The following STT3A variants were observed in gnomAD, a reference collection of about 807,000 sequenced individuals.
STT3A encodes the protein dolichyl-diphosphooligosaccharide--protein glycosyltransferase subunit STT3A.
In STT3A, 34 loss-of-function variants were observed where a neutral mutation model predicts 89.2. The observed-to-expected ratio is 0.38, with a 90% CI of 0.29 to 0.51. The LOEUF (loss-of-function observed/expected upper bound fraction) is 0.51. Ranked by LOEUF, STT3A falls within the 20% of genes least tolerant of loss-of-function variation. The pLI is 0.89. For missense variants in STT3A, 555 were observed against 889.5 expected, an observed-to-expected ratio of 0.62 and a Z score of 4.78; for synonymous variants, 282 against 310.3, an observed-to-expected ratio of 0.91 and a Z score of 0.96.
chr11:125,609,293 T>C, intron 9 of STT3A, 141 bp from the exon 10 acceptor site: 1 of 1,008,756 alleles, frequency 9.9e-7, no homozygotes, highest in Non-Finnish European at 1.4e-6. Flanking sequence ...TGAAACTCTC[T>C]AAGTATTGGT....
intron 3 of STT3A, among the ~76,000 whole-genome samples, chr11:125,601,658 T>C (rs74832699): frequency 0.11 from 16,097 of 152,106 alleles, 1,239 homozygotes; most frequent in African/African-American, 0.22. Flanking sequence ...CAAAATCTAT[T>C]GGTGCCCACA....
chr11:125,601,786 T>C (rs910408242), intron 3 of STT3A, among the ~76,000 whole-genome samples: 39 of 151,920 alleles, frequency 2.6e-4, no homozygotes, highest in African/African-American at 9.0e-4. Context: ...GGCTCCAGTT[T>C]CATTTCCTTT....
chr11:125,594,238 C>G (rs906876176), intron 1 of STT3A, among the ~76,000 whole-genome samples: 2 of 152,134 alleles, frequency 1.3e-5, no homozygotes, highest in African/African-American at 4.8e-5. Flanking sequence ...AATGGTGTTG[C>G]ATATCCTTTG....
chr11:125,601,294 A>G (rs930769694), intron 3 of STT3A, among the ~76,000 whole-genome samples: 3 of 152,188 alleles, frequency 2.0e-5, no homozygotes, highest in African/African-American at 7.2e-5. Flanking sequence ...TGTGTGCAGT[A>G]TAGATTTTTA....
chr11:125,608,280 A>C lies in STT3A; in HGVS notation c.952A>C (p.Met318Leu). The change falls in exon 9 of 18, where the codon ATG (methionine) becomes CTG (leucine). Residue 318 changes from methionine (M) to leucine (L), a missense_variant. Physicochemically the swap from Met to Leu is conservative, Grantham distance 15. Coordinates refer to ENST00000392708, the MANE Select transcript of STT3A (RefSeq NM_152713.5). Reference sequence around the variant, plus strand: ...CCTTCTCACCGTGGGAGCTCTCCTCATGCTGACAGGTAGGGAAGGCTCACA... The same window carrying C: ...CCTTCTCACCGTGGGAGCTCTCCTCCTGCTGACAGGTAGGGAAGGCTCACA... ...FVLLTVGALLMLTGKISPWTG... is the reference protein window; with the variant it reads ...FVLLTVGALLLLTGKISPWTG... 1 of 1,603,190 alleles carries C rather than the reference A, an allele frequency of 6.2e-7. No individual in the cohort carries two copies. Among genetic ancestry groups the C allele is most frequent in the Non-Finnish European group, 8.5e-7 (1 of 1,176,858 alleles).
intron 3 of STT3A, among the ~76,000 whole-genome samples, chr11:125,599,125 C>G (rs1472220784): frequency 6.6e-6 from 1 of 152,184 alleles, no homozygotes; most frequent in Non-Finnish European, 1.5e-5. Flanking sequence ...ACTTATACTT[C>G]CTCTCTCACT....
Position 125,608,093 on chromosome 11 carries a change from A to T in STT3A, c.781-16A>T, listed in dbSNP as rs200080827. ...TTTTTTCCTTAGTATTAACATACAT[A>T]TCCTTTTACCTACAGCCTGTCCTTT... is the stretch of plus-strand genomic sequence containing the variant. On this transcript the variant is annotated splice_polypyrimidine_tract_variant and intron_variant, in intron 8 of 17. Transcript: ENST00000392708. The T allele has an allele frequency of 1.1e-5, 17 of 1,587,438 alleles. No homozygotes were observed. In the African/African-American group the frequency reaches 1.8e-4, roughly 16 times the overall value.
At chr11:125,592,678 C>T (rs548894227), upstream of STT3A, 2 of 356,240 alleles carry the variant, frequency 5.6e-6, no homozygotes, top group Non-Finnish European at 1.1e-5. Flanking sequence ...ACAGACCTGC[C>T]TCTAGACTGC....
At chr11:125,610,544 C>T (rs1048064114) in intron 10 of STT3A, among the ~76,000 whole-genome samples, 4 of 129,692 alleles carry the variant, frequency 3.1e-5, no homozygotes, top group African/African-American at 1.3e-4. Flanking sequence ...CACAGTGGGA[C>T]CCACGTCTTA....
intron 16 of STT3A, 78 bp from the exon 17 acceptor site, chr11:125,619,933 G>A: frequency 8.2e-7 from 1 of 1,225,178 alleles, no homozygotes; most frequent in Non-Finnish European, 1.2e-6. Context: ...TTAGTAGATG[G>A]TTTCCTGAAT....
rs147270528 is a variant in STT3A at position 125,603,329 on chromosome 11, T to A, written c.417+381T>A. ...CAGGAATGTACTCAGCAATTATTTG[T>A]TGATTTAAAAAAAATTTTTTTTTAT... On this transcript the variant is annotated intron_variant, in intron 5 of 17. Transcript: ENST00000392708. 935 of 160,886 alleles carry A rather than the reference T, an allele frequency of 5.8e-3. 5 individuals are homozygous for A. The highest frequency in any genetic ancestry group is 0.021 in the African/African-American group (891 of 41,834). The allele number at this position is 160,886 out of a possible 1,614,324, so 10.0% of individuals were successfully genotyped here.
chr11:125,593,745 C>T (rs1441080006), intron 1 of STT3A: 5 of 152,160 alleles, frequency 3.3e-5, no homozygotes, highest in Non-Finnish European at 7.3e-5. Context: ...CCCTTTGGGA[C>T]TATACTTAAA....
At chr11:125,608,010 T>G in intron 8 of STT3A, 99 bp from the exon 9 acceptor site, 1 of 1,301,222 alleles carries the variant, frequency 7.7e-7, no homozygotes, top group Non-Finnish European at 1.0e-6. Context: ...AGAACTCATT[T>G]GACCATTTGG....
rs556426188 is a variant in STT3A at position 125,621,576 on chromosome 11, G to A, written c.*766G>A. 6.6e-6 allele frequency: 1 copy of A among 152,238 alleles called. No individual in the cohort carries two copies. Among genetic ancestry groups the A allele is most frequent in the East Asian group, 1.9e-4 (1 of 5,186 alleles). 9.4% of individuals were successfully genotyped at this position (152,238 alleles called of 1,614,324 possible). ...TAATCATACATATCAATTTGAAATG[G>A]AGCTTTTCAGTACTCTCACTTATTC... On this transcript the variant is annotated 3_prime_UTR_variant, in exon 18 of 18. Coordinates refer to ENST00000392708, the MANE Select transcript of STT3A (RefSeq NM_152713.5).
In STT3A at chr11:125,622,589, A is replaced by G. The variant is rs1940379528; in HGVS notation, c.*1779A>G. 6.6e-6 allele frequency: 1 copy of G among 152,220 alleles called. No homozygotes were observed. The highest frequency in any genetic ancestry group is 2.1e-4 in the South Asian group (1 of 4,832). The allele number at this position is 152,220 out of a possible 1,614,324, so 9.4% of individuals were successfully genotyped here. ...ACTGTTATTGTGTACTTAGCATAAA[A>G]AACTCAAATCTAGGCCAGGTGCAGT... On this transcript the variant is annotated 3_prime_UTR_variant, in exon 18 of 18. Coordinates refer to ENST00000392708, the MANE Select transcript of STT3A (RefSeq NM_152713.5).
chr11:125,612,269 A>G (rs549751260), intron 11 of STT3A, among the ~76,000 whole-genome samples: 3 of 152,326 alleles, frequency 2.0e-5, no homozygotes, highest in East Asian at 3.9e-4. Flanking sequence ...TTTAGGGAAC[A>G]ATGACAAGAA....
chr11:125,614,055 C>CT lies in STT3A; in HGVS notation c.1555-30dup, dbSNP rs771581025. 1 of 1,592,788 alleles carries CT rather than the reference C, an allele frequency of 6.3e-7. No homozygotes were observed. Among genetic ancestry groups the CT allele is most frequent in the South Asian group, 1.1e-5 (1 of 90,458 alleles). The stretch of plus-strand genomic sequence containing the variant: ...TTTGATTTTTAGAGACAGTGAGAAG[C>CT]TTGTTATTTCCATTTCCCATTCTAC... On this transcript the variant is annotated intron_variant, in intron 13 of 17. Transcript: ENST00000392708. This position sits in a 1 kb window ranked among gnomAD's most constrained non-coding sequence, Gnocchi z 4.9.
chr11:125,609,546 C>T lies in STT3A; in HGVS notation c.1074C>T (p.Ser358=). ...SVSEHQPTTW[S]SYYFDLQLLV... ...CTGAGCATCAGCCCACAACCTGGTC[C>T]TCATACTATTTTGACCTGCAGCTCC... The change falls in exon 10 of 18, where the codon TCC becomes TCT. Residue 358 remains serine (S), a synonymous_variant. Coordinates refer to ENST00000392708, the MANE Select transcript of STT3A (RefSeq NM_152713.5). The T allele has an allele frequency of 6.2e-7, 1 of 1,614,118 alleles. No individual in the cohort carries two copies. The highest frequency in any genetic ancestry group is 8.5e-7 in the Non-Finnish European group (1 of 1,180,022).
At chr11:125,602,174 A>G in intron 3 of STT3A, 129 bp from the exon 4 acceptor site, 1 of 1,107,892 alleles carries the variant, frequency 9.0e-7, no homozygotes, top group Non-Finnish European at 1.3e-6. Context: ...GGTAGTGTAA[A>G]ATGATTTTCA....
Sources: gnomAD v4.1 joint callset for allele counts (sites outside exome capture counted in the v4.1 genomes callset) on GRCh38, gnomAD v4.1.1 for gene constraint, Gnocchi (gnomAD v3.1) non-coding constraint, MANE v1.5 for transcripts, NCBI Gene and HGNC (gene_info 2026-07-23, HGNC 2026-07-21) for gene names.